Variants in PASK observed in about 807,000 individuals in gnomAD.
The protein encoded by PASK is PAS domain containing serine/threonine kinase.
A neutral mutation model predicts 121.0 loss-of-function variants in PASK; 110 were observed. That is an observed-to-expected ratio of 0.91 (90% CI 0.78 to 1.06). The LOEUF (loss-of-function observed/expected upper bound fraction) is 1.06, where lower values mean the gene tolerates loss of function less well. Ranked by LOEUF, PASK falls within the 50% of genes least tolerant of loss-of-function variation. PASK has a pLI of 0.00. For synonymous variants in PASK, 686 were observed against 717.8 expected (o/e 0.96, Z 0.71); for missense variants, 1,643 against 1,702.3 (o/e 0.97, Z 0.61).
intron 9 of PASK, among the ~76,000 whole-genome samples, chr2:241,131,485 A>G (rs1420621478): frequency 2.0e-5 from 3 of 152,226 alleles, no homozygotes; most frequent in Admixed American, 2.0e-4. Flanking sequence ...TACATACTTT[A>G]TATGTATCTA....
chr2:241,114,728 T>C (rs3771355), intron 14 of PASK: 109,970 of 1,366,168 alleles, frequency 0.08, 7,536 homozygotes, highest in African/African-American at 0.36. Context: ...TCTGGCTGCA[T>C]CCTAACCCTT....
intron 1 of PASK, among the ~76,000 whole-genome samples, chr2:241,148,608 T>G (rs1210977837): frequency 1.3e-5 from 2 of 152,194 alleles, no homozygotes; most frequent in African/African-American, 2.4e-5. Context: ...CCCAAAGTCT[T>G]AATTTTATCC....
chr2:241,108,474 C>T lies in PASK; in HGVS notation c.3534-174G>A. The T allele has an allele frequency of 1.2e-5, 8 of 687,050 alleles. No individual in the cohort carries two copies. Among genetic ancestry groups the T allele is most frequent in the East Asian group, 2.7e-5 (1 of 36,754 alleles). 42.6% of individuals were successfully genotyped at this position (687,050 alleles called of 1,614,324 possible). A position where few individuals can be genotyped will look rare whatever the true frequency, so the allele number is the denominator to read the frequency against. ...CCCTCCATTTCCACGCACTTCTGCCCCAGGCCAGCCAGCAGGCCATGTGCC... is the reference window on the plus strand; with the variant it reads ...CCCTCCATTTCCACGCACTTCTGCCTCAGGCCAGCCAGCAGGCCATGTGCC... On this transcript the variant is annotated intron_variant, in intron 15 of 17. Coordinates refer to ENST00000234040, the MANE Select transcript of PASK (RefSeq NM_015148.4). The surrounding 1 kb of genome is among the most constrained non-coding windows in gnomAD (Gnocchi z 5.2).
intron 9 of PASK, among the ~76,000 whole-genome samples, chr2:241,129,477 G>A (rs1165762301): frequency 6.6e-6 from 1 of 152,206 alleles, no homozygotes; most frequent in African/African-American, 2.4e-5. Flanking sequence ...CTGCAGCAAG[G>A]CCTCTGAACA....
In PASK at chr2:241,122,784, C is replaced by A. The variant is rs750727879; in HGVS notation, c.3020G>T (p.Ser1007Ile). Residue 1007 changes from serine to isoleucine, a missense_variant, in exon 12 of 18, where the codon AGT (serine) becomes ATT (isoleucine). Transcript: ENST00000234040. The part of the protein sequence containing the change: ...QKYSTMSPLG[S>I]GAFGFVWTAV... ...AGTCCACACGAAGCCGAAGGCCCCA[C>A]TGCCCAGCGGGCTCATGGTACTGTA... The A allele has an allele frequency of 4.3e-6, 7 of 1,614,236 alleles. No homozygotes were observed. Among genetic ancestry groups the A allele is most frequent in the South Asian group, 1.1e-5 (1 of 91,086 alleles).
At chr2:241,136,098 C>T (rs761034096) in intron 7 of PASK, 59 bp from the exon 8 acceptor site, 58 of 1,445,648 alleles carry the variant, frequency 4.0e-5, no homozygotes, top group Middle Eastern at 3.5e-4. Context: ...CCCACTGGAC[C>T]GTCCCCCTGG....
chr2:241,122,210 G>A (rs766082656), intron 12 of PASK, among the ~76,000 whole-genome samples: 2 of 150,594 alleles, frequency 1.3e-5, no homozygotes, highest in Non-Finnish European at 3.0e-5. Context: ...AATAGAAGAA[G>A]AAAATAAAAT....
rs114190623 is a variant in PASK, at chr2:241,130,754, C to T, written c.1463+2120G>A. Among the ~76,000 whole-genome samples, 1,193 of 152,278 alleles carry T rather than the reference C, an allele frequency of 7.8e-3. 13 individuals are homozygous for T. Among genetic ancestry groups the T allele is most frequent in the African/African-American group, 0.027 (1,141 of 41,540 alleles). On this transcript the variant is annotated intron_variant, in intron 9 of 17. Coordinates refer to ENST00000234040, the MANE Select transcript of PASK (RefSeq NM_015148.4). ...GGGAGGCTAAGCAAACAAGAGAAAGCACCGGCACATCGGCCAGTGGGAAAG... is the reference window on the plus strand; with the variant it reads ...GGGAGGCTAAGCAAACAAGAGAAAGTACCGGCACATCGGCCAGTGGGAAAG...
chr2:241,109,470 G>A (rs185891915), intron 15 of PASK: 2 of 148,294 alleles, frequency 1.3e-5, no homozygotes, highest in African/African-American at 4.9e-5. Context: ...AGGGAGCCAA[G>A]AGAAACCACA....
At chr2:241,132,629 T>C (rs1344852082) in intron 9 of PASK, among the ~76,000 whole-genome samples, 1 of 151,824 alleles carries the variant, frequency 6.6e-6, no homozygotes, top group Non-Finnish European at 1.5e-5. Flanking sequence ...ACAGCCTGTT[T>C]CCTTATCCCT....
rs764465658 is a variant in PASK, at chr2:241,126,440, C to T, written c.2475G>A (p.Pro825=). ...ESCVGHDPTE[P]LEVCLVSSEH... The stretch of plus-strand genomic sequence containing the variant: ...CAGAGGACACCAAACAAACCTCAAG[C>T]GGTTCTGTTGGATCATGTCCCACAC... The change falls in exon 10 of 18, where the codon CCG becomes CCA. Residue 825 remains proline (P), a synonymous_variant. Coordinates refer to ENST00000234040, the MANE Select transcript of PASK (RefSeq NM_015148.4). 3.1e-6 allele frequency: 5 copies of T among 1,614,134 alleles called. No individual in the cohort carries two copies. In the African/African-American group the frequency reaches 4.0e-5, roughly 13 times the overall value.
chr2:241,145,059 AGC>A (rs2066892084), intron 1 of PASK, among the ~76,000 whole-genome samples: 1 of 151,800 alleles, frequency 6.6e-6, no homozygotes, highest in Non-Finnish European at 1.5e-5. Context: ...GACTACAGGC[AGC>A]CGCCACCACG....
At chr2:241,144,670 T>C (rs942672946) in intron 1 of PASK, among the ~76,000 whole-genome samples, 48 of 152,126 alleles carry the variant, frequency 3.2e-4, no homozygotes, top group Admixed American at 1.0e-3. Context: ...ATAGCGAGCT[T>C]GGACAAGCTA....
intron 12 of PASK, chr2:241,118,770 C>T (rs1292530379): frequency 2.9e-5 from 9 of 308,448 alleles, no homozygotes; most frequent in Non-Finnish European, 4.6e-5. Context: ...CAGGGGCCCA[C>T]GGCGCAGGGC....
intron 2 of PASK, 35 bp from the exon 3 acceptor site, chr2:241,140,788 A>G: frequency 7.1e-7 from 1 of 1,417,988 alleles, no homozygotes; most frequent in Non-Finnish European, 9.9e-7. Context: ...TTTAGACTTC[A>G]CACAGCTGCC....
At position 241,124,025 on chromosome 2, in the gene PASK, G is replaced by C; in HGVS notation, c.2828C>G (p.Thr943Ser). ...LHSQRDSAAR[T>S]RLFLASLPGS... ...GGGCAGGCTGGCAAGGAACAGGCGG[G>C]TCCTGGCGGCTGAGTCGCGTTGGCT... The change falls in exon 11 of 18, where the codon ACC becomes AGC. Residue 943 changes from threonine (T) to serine (S), a missense_variant. Thr to Ser is a moderately conservative substitution (Grantham distance 58, BLOSUM62 1). This residue lies in a region of PASK where 453 missense variants were observed against 511.2 expected (regional missense o/e 0.89). Transcript: ENST00000234040. 1 of 1,613,874 alleles carries C rather than the reference G, an allele frequency of 6.2e-7. No homozygotes were observed.
intron 6 of PASK, among the ~76,000 whole-genome samples, chr2:241,137,576 G>A (rs1177446365): frequency 1.3e-5 from 2 of 152,172 alleles, no homozygotes; most frequent in Non-Finnish European, 1.5e-5. Context: ...GCTCAGGCTC[G>A]GGGCTCAGCC....
intron 1 of PASK, among the ~76,000 whole-genome samples, chr2:241,148,880 G>A (rs2067114404): frequency 6.6e-6 from 1 of 152,248 alleles, no homozygotes; most frequent in African/African-American, 2.4e-5. Flanking sequence ...CGGCAGCGCA[G>A]GCCCCTGCCG....
rs201611699 is a variant in PASK at position 241,107,512 on chromosome 2, A to C, written c.3668-13T>G. 6.2e-7 allele frequency: 1 copy of C among 1,613,582 alleles called. No homozygotes were observed. Among genetic ancestry groups the C allele is most frequent in the Non-Finnish European group, 8.5e-7 (1 of 1,179,650 alleles). ...AGGCTCATGAGTTCTGGGGACACAA[A>C]GAACACAGATGGTAGGTCCAGATTG... On this transcript the variant is annotated splice_polypyrimidine_tract_variant and intron_variant, in intron 16 of 17. Transcript: ENST00000234040.
Sources: gnomAD v4.1 joint callset for allele counts (sites outside exome capture counted in the v4.1 genomes callset) on GRCh38, gnomAD v4.1.1 for gene constraint, gnomAD v4.1.1 regional missense constraint, Gnocchi (gnomAD v3.1) non-coding constraint, MANE v1.5 for transcripts, NCBI Gene and HGNC (gene_info 2026-07-23, HGNC 2026-07-21) for gene names.